Variants in DSCAML1 observed in about 807,000 individuals in gnomAD.
DSCAML1 encodes the protein cell adhesion molecule DSCAML1.
DSCAML1 carries 38 observed loss-of-function variants against 200.5 expected under a neutral mutation model. The observed-to-expected ratio is 0.19, with a 90% CI of 0.15 to 0.25. The LOEUF is 0.25. DSCAML1 is among the 10% of genes least tolerant of loss of function. The pLI, the probability that DSCAML1 is intolerant of heterozygous loss-of-function variation, is 1.00. For synonymous variants in DSCAML1, 1,215 were observed against 1,165.0 expected, an observed-to-expected ratio of 1.04 and a Z score of -0.87; for missense variants, 2,223 against 2,858.8, an observed-to-expected ratio of 0.78 and a Z score of 5.07.
intron 3 of DSCAML1, among the ~76,000 whole-genome samples, chr11:117,669,885 A>G (rs1269183062): frequency 6.6e-6 from 1 of 152,252 alleles, no homozygotes; most frequent in African/African-American, 2.4e-5. Flanking sequence ...GGCCTGTGGC[A>G]TGAGATGGGC....
intron 3 of DSCAML1, among the ~76,000 whole-genome samples, chr11:117,546,741 G>A (rs1304207522): frequency 2.0e-5 from 3 of 152,104 alleles, no homozygotes; most frequent in South Asian, 2.1e-4. Context: ...GCAGAGGCAC[G>A]GTGGCTAGTT....
At chr11:117,456,817 G>C (rs770504722) in intron 19 of DSCAML1, among the ~76,000 whole-genome samples, 15 of 152,212 alleles carry the variant, frequency 9.9e-5, no homozygotes, top group South Asian at 2.1e-4. Flanking sequence ...TGGGACTACA[G>C]GTGCCCACCA....
At chr11:117,535,125 G>A (rs2050142407) in intron 3 of DSCAML1, among the ~76,000 whole-genome samples, 1 of 152,132 alleles carries the variant, frequency 6.6e-6, no homozygotes, top group Admixed American at 6.6e-5. Flanking sequence ...GCAGAGTAGA[G>A]CAAGACTACC....
At chr11:117,782,771 G>A (rs2055286884) in intron 1 of DSCAML1, among the ~76,000 whole-genome samples, 1 of 152,180 alleles carries the variant, frequency 6.6e-6, no homozygotes, top group African/African-American at 2.4e-5. Context: ...GCCAGGCACT[G>A]TTGTTAGGGA....
chr11:117,622,957 C>A (rs1297552827), intron 3 of DSCAML1, among the ~76,000 whole-genome samples: 7 of 152,160 alleles, frequency 4.6e-5, no homozygotes, highest in African/African-American at 1.7e-4. Context: ...TTCTACTGGG[C>A]AGGCTAGGGT....
chr11:117,428,698 C>G lies in DSCAML1; in HGVS notation c.5792G>C (p.Arg1931Pro). 6.2e-7 allele frequency: 1 copy of G among 1,613,074 alleles called. No homozygotes were observed. The highest frequency in any genetic ancestry group is 8.5e-7 in the Non-Finnish European group (1 of 1,179,698). Residue 1931 changes from arginine to proline, a missense_variant, in exon 33 of 33, where the codon CGG (arginine) becomes CCG (proline). Arg to Pro is a moderately radical substitution (Grantham distance 103, BLOSUM62 -2). Coordinates refer to ENST00000651296, the MANE Select transcript of DSCAML1 (RefSeq NM_020693.4). ...GGTGTGGTAGGTTCGAGCCAGGTTC[C>G]GGATGGAGGCCTCACGGGGTGGGAC... Reference protein sequence around the residue: ...PVVPPREASIRNLARTYHTQA... With the variant: ...PVVPPREASIPNLARTYHTQA...
At chr11:117,435,059 GTATATT>G (rs775694268) in intron 27 of DSCAML1, among the ~76,000 whole-genome samples, 2 of 152,206 alleles carry the variant, frequency 1.3e-5, no homozygotes, top group African/African-American at 2.4e-5. Context: ...ATAAGTGAAA[GTATATT>G]TATGAAGCAA....
intron 1 of DSCAML1, among the ~76,000 whole-genome samples, chr11:117,808,084 T>C (rs2055724524): frequency 6.6e-6 from 1 of 152,122 alleles, no homozygotes; most frequent in Non-Finnish European, 1.5e-5. Context: ...CTTCCCAAAG[T>C]GGTGCGATTA....
At position 117,516,244 on chromosome 11, in the gene DSCAML1, T is replaced by C. The variant is rs955007095; in HGVS notation, c.1783+223A>G. On this transcript the variant is annotated intron_variant, in intron 8 of 32. Coordinates refer to ENST00000651296, the MANE Select transcript of DSCAML1 (RefSeq NM_020693.4). The surrounding 1 kb of genome is among the most constrained non-coding windows in gnomAD (Gnocchi z 5.7). ...ACCTGGGGTGTGTGCTGTCTTATTCTGCAGCCCGAGGAGGACCCCGGATGT... is the reference window on the plus strand; with the variant it reads ...ACCTGGGGTGTGTGCTGTCTTATTCCGCAGCCCGAGGAGGACCCCGGATGT... Among the ~76,000 whole-genome samples, 7 of 152,226 alleles carry C rather than the reference T, an allele frequency of 4.6e-5. No individual in the cohort carries two copies. The highest frequency in any genetic ancestry group is 7.3e-5 in the Non-Finnish European group (5 of 68,040).
rs1411959887 is a variant in DSCAML1, at chr11:117,649,039, ATATG to A, written c.512-116521_512-116518del. 7.0e-3 allele frequency among the ~76,000 whole-genome samples: 916 copies of A among 131,524 alleles called. 12 individuals carry two copies. Among genetic ancestry groups the A allele is most frequent in the African/African-American group, 0.027 (857 of 31,516 alleles). 86.3% of individuals were successfully genotyped at this position (131,524 alleles called of 152,430 possible). On this transcript the variant is annotated intron_variant, in intron 3 of 32. Transcript: ENST00000651296. The stretch of plus-strand genomic sequence containing the variant: ...CCTCTCGCTCTCTCTCTCTCCATAT[ATATG>A]TGTGTGTGTGTGTGTGTGTGTGTGT...
chr11:117,576,908 T>C (rs1046941981), intron 3 of DSCAML1, among the ~76,000 whole-genome samples: 9 of 152,218 alleles, frequency 5.9e-5, no homozygotes, highest in Admixed American at 1.3e-4. Context: ...TTATTACCAT[T>C]GATCTGCATA....
intron 3 of DSCAML1, among the ~76,000 whole-genome samples, chr11:117,584,599 G>A (rs2051108430): frequency 6.6e-6 from 1 of 152,236 alleles, no homozygotes; most frequent in African/African-American, 2.4e-5. Context: ...GGTAGCTGCC[G>A]GCAGCTTTGC....
rs1198806508 is a variant in DSCAML1 at position 117,504,941 on chromosome 11, A to G, written c.2165T>C (p.Met722Thr). 3.1e-6 allele frequency: 5 copies of G among 1,609,640 alleles called. No homozygotes were observed. Among genetic ancestry groups the G allele is most frequent in the Non-Finnish European group, 4.2e-6 (5 of 1,177,226 alleles). Residue 722 changes from methionine to threonine, a missense_variant, in exon 10 of 33, where the codon ATG (methionine) becomes ACG (threonine). Physicochemically the swap from Met to Thr is moderately conservative, Grantham distance 81 (BLOSUM62 -1). Transcript: ENST00000651296. This position sits in a 1 kb window ranked among gnomAD's most constrained non-coding sequence, Gnocchi z 5.0. Reference sequence around the variant, plus strand: ...GGGCTTACCCTTGGCATGCTTCCACATGACCTTGGGTGGGGGGTAGCCGTC... The same window carrying G: ...GGGCTTACCCTTGGCATGCTTCCACGTGACCTTGGGTGGGGGGTAGCCGTC... ...SVDGYPPPKV[M>T]WKHAKGSGNP...
chr11:117,581,896 T>G (rs1298976040), intron 3 of DSCAML1, among the ~76,000 whole-genome samples: 1 of 152,148 alleles, frequency 6.6e-6, no homozygotes, highest in East Asian at 1.9e-4. Context: ...TTTCCAGAAA[T>G]GCTTCTTGTC....
chr11:117,612,098 T>C (rs2051706767), intron 3 of DSCAML1: 1 of 152,262 alleles, frequency 6.6e-6, no homozygotes. Flanking sequence ...CCCTCAGCCC[T>C]GAGAACAGTG....
At chr11:117,550,806 T>C (rs1372670510) in intron 3 of DSCAML1, among the ~76,000 whole-genome samples, 1 of 152,210 alleles carries the variant, frequency 6.6e-6, no homozygotes, top group Non-Finnish European at 1.5e-5. Context: ...TGTTTCCAAA[T>C]TAACTTAGAT....
chr11:117,565,312 T>TA lies in DSCAML1; in HGVS notation c.512-32791dup, dbSNP rs1399966420. On this transcript the variant is annotated intron_variant, in intron 3 of 32. Transcript: ENST00000651296. ...TCACCTTGAATATTTGTCTTTTCTTTATGTCAGAAACAGTTGAATGTTTCT... is the reference window on the plus strand; with the variant it reads ...TCACCTTGAATATTTGTCTTTTCTTTAATGTCAGAAACAGTTGAATGTTTCT... 2.6e-5 allele frequency among the ~76,000 whole-genome samples: 4 copies of TA among 152,354 alleles called. No homozygotes were observed. The East Asian group carries it at 7.7e-4, about 29-fold the overall frequency.
At chr11:117,593,704 ATTTC>A (rs2051305148) in intron 3 of DSCAML1, among the ~76,000 whole-genome samples, 1 of 136,118 alleles carries the variant, frequency 7.3e-6, no homozygotes, top group Non-Finnish European at 1.5e-5. Context: ...AACTCACTAT[ATTTC>A]TTGTTTTTTT....
At chr11:117,643,009 C>T (rs1357649153) in intron 3 of DSCAML1, among the ~76,000 whole-genome samples, 2 of 152,182 alleles carry the variant, frequency 1.3e-5, no homozygotes, top group Non-Finnish European at 2.9e-5. Flanking sequence ...AACCTTTAAC[C>T]CTCCGCCTGC....
Sources: allele counts gnomAD v4.1 joint callset (sites outside exome capture counted in the v4.1 genomes callset), GRCh38; gene constraint gnomAD v4.1.1; non-coding constraint Gnocchi (gnomAD v3.1); transcripts MANE v1.5; gene names NCBI Gene and HGNC (gene_info 2026-07-23, HGNC 2026-07-21).